The following TMEM74 variants were observed in gnomAD, a reference collection of about 807,000 sequenced individuals.
The protein encoded by TMEM74 is transmembrane protein 74.
Under a neutral mutation model 18.1 loss-of-function variants are expected in TMEM74, and 13 were observed. The ratio of observed to expected loss-of-function variants is 0.72; its 90% confidence interval spans 0.47 to 1.14. The LOEUF (loss-of-function observed/expected upper bound fraction) is 1.14, where lower values mean the gene tolerates loss of function less well. Ranked by LOEUF, TMEM74 falls within the 50% of genes most tolerant of loss-of-function variation. The pLI, the probability that TMEM74 is intolerant of heterozygous loss-of-function variation, is 0.00. For synonymous variants in TMEM74, 159 were observed against 146.6 expected (o/e 1.08, Z -0.61); for missense variants, 372 against 375.9 (o/e 0.99, Z 0.09).
At chr8:108,719,609 A>C (rs1813566041) in intron 1 of TMEM74, among the ~76,000 whole-genome samples, 2 of 152,154 alleles carry the variant, frequency 1.3e-5, no homozygotes, top group African/African-American at 4.8e-5. Flanking sequence ...GTTTTCTAAC[A>C]GAGTAGAATG....
Position 108,694,804 on chromosome 8 carries a change from C to A in TMEM74, n.120-39367G>T, listed in dbSNP as rs911455500. ...GAAACAGTGTATGTGAAGTTTAGTT[C>A]CTGAACTTGGTGCTGGGACATGATG... On this transcript the variant is annotated intron_variant and non_coding_transcript_variant, in intron 1 of 3. Transcript: ENST00000518838. Among the ~76,000 whole-genome samples, 3 of 152,276 alleles carry A rather than the reference C, an allele frequency of 2.0e-5. No individual in the cohort carries two copies. In the East Asian group the frequency reaches 5.8e-4, roughly 29 times the overall value.
At chr8:108,744,827 G>A (rs1356795402) in intron 1 of TMEM74, among the ~76,000 whole-genome samples, 1 of 152,110 alleles carries the variant, frequency 6.6e-6, no homozygotes. Context: ...AGTGATCTGT[G>A]GAGGAACCCT....
chr8:108,768,824 C>T (rs1263427043), intron 1 of TMEM74, among the ~76,000 whole-genome samples: 1 of 152,152 alleles, frequency 6.6e-6, no homozygotes, highest in Non-Finnish European at 1.5e-5. Context: ...GTCACCTTTG[C>T]CAAGTAGACC....
At chr8:108,743,883 T>A (rs1326539251) in intron 1 of TMEM74, among the ~76,000 whole-genome samples, 1 of 152,092 alleles carries the variant, frequency 6.6e-6, no homozygotes, top group Non-Finnish European at 1.5e-5. Flanking sequence ...GGAGAAAGAA[T>A]GTTTGAAAAT....
chr8:108,775,233 T>C (rs970644974), downstream of TMEM74, among the ~76,000 whole-genome samples: 1 of 152,180 alleles, frequency 6.6e-6, no homozygotes, highest in Admixed American at 6.5e-5. Context: ...CTGTCCTTCT[T>C]TCTGGAAGGA....
chr8:108,696,821 A>G (rs1813285451), intron 1 of TMEM74, among the ~76,000 whole-genome samples: 1 of 152,236 alleles, frequency 6.6e-6, no homozygotes, highest in African/African-American at 2.4e-5. Flanking sequence ...CAATTTGTGT[A>G]CACAAAACAA....
At chr8:108,761,602 C>T (rs1465647884) in intron 1 of TMEM74, among the ~76,000 whole-genome samples, 2 of 152,030 alleles carry the variant, frequency 1.3e-5, no homozygotes, top group African/African-American at 2.4e-5. Flanking sequence ...TGGATAGTCT[C>T]ATATCCAAGG....
chr8:108,649,705 C>T (rs1362316313), intron 2 of TMEM74, among the ~76,000 whole-genome samples: 3 of 152,238 alleles, frequency 2.0e-5, no homozygotes, highest in Non-Finnish European at 2.9e-5. Context: ...CTAATCCTAA[C>T]GTCCTTTATC....
chr8:108,778,651 T>C (rs983431977), downstream of TMEM74, among the ~76,000 whole-genome samples: 2 of 152,208 alleles, frequency 1.3e-5, no homozygotes, highest in African/African-American at 4.8e-5. Flanking sequence ...ACAGCACTTA[T>C]ATATAATAAG....
rs761950899 is a variant in TMEM74 at position 108,784,382 on chromosome 8, G to A, written c.717C>T (p.Leu239=). The A allele has an allele frequency of 1.2e-5, 19 of 1,613,984 alleles. No homozygotes were observed. Among genetic ancestry groups the A allele is most frequent in the Middle Eastern group, 1.6e-4 (1 of 6,084 alleles). ...AGGACAGGATGACGCCCCCCAGCGT[G>A]AGGAGGCAGAGCCCCGCAATCACAC... The part of the protein sequence containing the change: ...DRCVIAGLCL[L]TLGGVILSCL... The change falls in exon 2 of 2, where the codon CTC becomes CTT. Residue 239 remains leucine, a synonymous_variant. Transcript: ENST00000297459.
intron 1 of TMEM74, among the ~76,000 whole-genome samples, chr8:108,758,704 G>C (rs1220025594): frequency 6.6e-6 from 1 of 151,880 alleles, no homozygotes; most frequent in Non-Finnish European, 1.5e-5. Context: ...GAAATTATCA[G>C]ACCAAAGAAG....
intron 2 of TMEM74, chr8:108,652,734 C>T (rs2935751): frequency 0.19 from 99,396 of 519,684 alleles, 10,094 homozygotes; most frequent in East Asian, 0.27. Context: ...CAAAGAGATT[C>T]TTTTGGAAGA....
chr8:108,714,916 A>G (rs990829308), intron 1 of TMEM74, among the ~76,000 whole-genome samples: 1 of 152,178 alleles, frequency 6.6e-6, no homozygotes, highest in African/African-American at 2.4e-5. Context: ...TTTCCATTCT[A>G]TTTTTAATTT....
intron 2 of TMEM74, among the ~76,000 whole-genome samples, chr8:108,614,860 C>A (rs1458343369): frequency 2.0e-5 from 3 of 151,790 alleles, no homozygotes; most frequent in Non-Finnish European, 4.4e-5. Flanking sequence ...AAAAAACAAA[C>A]AAAATACAAT....
intron 1 of TMEM74, among the ~76,000 whole-genome samples, chr8:108,725,683 TG>T (rs1813630428): frequency 6.6e-6 from 1 of 152,088 alleles, no homozygotes; most frequent in Non-Finnish European, 1.5e-5. Flanking sequence ...GGAGATTAGC[TG>T]AAAATGAAAT....
chr8:108,617,993 C>T (rs1249903824), intron 2 of TMEM74, among the ~76,000 whole-genome samples: 1 of 152,104 alleles, frequency 6.6e-6, no homozygotes, highest in Non-Finnish European at 1.5e-5. Context: ...AATGATTCAT[C>T]CCTATCTTTA....
intron 2 of TMEM74, among the ~76,000 whole-genome samples, chr8:108,632,633 A>G (rs1390910908): frequency 6.6e-6 from 1 of 152,048 alleles, no homozygotes. Flanking sequence ...GGGAGTTAGG[A>G]TTCATTCACT....
chr8:108,712,169 T>C (rs3019345), intron 1 of TMEM74, among the ~76,000 whole-genome samples: 71,589 of 151,858 alleles, frequency 0.47, 18,059 homozygotes, highest in East Asian at 0.78. Context: ...GATGCATGCT[T>C]AAGTTTGAGA....
At chr8:108,622,857 T>G (rs1812457017) in intron 2 of TMEM74, among the ~76,000 whole-genome samples, 1 of 152,130 alleles carries the variant, frequency 6.6e-6, no homozygotes, top group Non-Finnish European at 1.5e-5. Context: ...TTCTTTCCTC[T>G]TATTGATTCA....
Sources: allele counts gnomAD v4.1 joint callset (sites outside exome capture counted in the v4.1 genomes callset), GRCh38; gene constraint gnomAD v4.1.1; transcripts MANE v1.5; gene names NCBI Gene and HGNC (gene_info 2026-07-23, HGNC 2026-07-21).